Variants in NRROS observed in about 807,000 individuals in gnomAD.
The protein encoded by NRROS is transforming growth factor beta activator LRRC33.
In NRROS, 6 loss-of-function variants were observed where a neutral mutation model predicts 12.0. The ratio of observed to expected loss-of-function variants is 0.50; its 90% confidence interval spans 0.27 to 0.98. The LOEUF is 0.98. Ranked by LOEUF, NRROS falls within the 50% of genes least tolerant of loss-of-function variation. NRROS has a pLI of 0.11. For synonymous variants in NRROS, 462 were observed against 410.2 expected (o/e 1.13, Z -1.53); for missense variants, 857 against 888.2 (o/e 0.96, Z 0.45).
chr3:196,646,564 C>T (rs1027223994), intron 1 of NRROS, among the ~76,000 whole-genome samples: 19 of 152,182 alleles, frequency 1.2e-4, no homozygotes, highest in Admixed American at 2.0e-4. Context: ...TCTACCAGGC[C>T]GACGCTGACC....
Position 196,661,000 on chromosome 3 carries a change from C to G in NRROS, c.1357C>G (p.Pro453Ala). ...AGCTGCCTCGGACCGGGTGGGCCCCCCTAGCTGTGTGGATTTCAGGAATAT... is the reference window on the plus strand; with the variant it reads ...AGCTGCCTCGGACCGGGTGGGCCCCGCTAGCTGTGTGGATTTCAGGAATAT... ...LPAASDRVGP[P>A]SCVDFRNMAS... Residue 453 changes from proline (P) to alanine (A), a missense_variant, in exon 3 of 3, where the codon CCT becomes GCT. Pro to Ala is a conservative substitution (Grantham distance 27). Coordinates refer to ENST00000328557, the MANE Select transcript of NRROS (RefSeq NM_198565.3). This position sits in a 1 kb window ranked among gnomAD's most constrained non-coding sequence, Gnocchi z 7.7. 6.2e-7 allele frequency: 1 copy of G among 1,614,180 alleles called. No individual in the cohort carries two copies. The highest frequency in any genetic ancestry group is 8.5e-7 in the Non-Finnish European group (1 of 1,180,048).
rs756433723 is a variant in NRROS, at chr3:196,661,224, T to C, written c.1581T>C (p.Phe527=). The C allele has an allele frequency of 1.2e-6, 2 of 1,613,882 alleles. No homozygotes were observed. The highest frequency in any genetic ancestry group is 2.7e-5 in the African/African-American group (2 of 74,920). ...SLRNMGLHSS[F]MALDFSGFGN... is the part of the protein sequence containing the mutation. Reference sequence around the variant, plus strand: ...GGAACATGGGCCTCCACTCCAGCTTTATGGCGTTGGACTTCTCTGGGTTTG... The same window carrying C: ...GGAACATGGGCCTCCACTCCAGCTTCATGGCGTTGGACTTCTCTGGGTTTG... Residue 527 remains phenylalanine, a synonymous_variant, in exon 3 of 3, where the codon TTT becomes TTC. Transcript: ENST00000328557.
In NRROS at chr3:196,660,762, G is replaced by A; in HGVS notation, c.1119G>A (p.Glu373=). 6.2e-7 allele frequency: 1 copy of A among 1,613,772 alleles called. No individual in the cohort carries two copies. Among genetic ancestry groups the A allele is most frequent in the Non-Finnish European group, 8.5e-7 (1 of 1,180,018 alleles). Residue 373 remains glutamate (E), a synonymous_variant, in exon 3 of 3, where the codon GAG becomes GAA. Coordinates refer to ENST00000328557, the MANE Select transcript of NRROS (RefSeq NM_198565.3). The surrounding 1 kb of genome is among the most constrained non-coding windows in gnomAD (Gnocchi z 7.7). ...TGACGCTTCACATTCGGGAGCACGA[G>A]CCCCCCGGAGCGCTCACCGAGCTGG... The part of the protein sequence containing the change: ...CLMTLHIREH[E]PPGALTELDL...
Position 196,661,701 on chromosome 3 carries a change from C to G in NRROS, c.2058C>G (p.Cys686Trp). The G allele has an allele frequency of 6.3e-7, 1 of 1,593,624 alleles. No individual in the cohort carries two copies. The highest frequency in any genetic ancestry group is 8.5e-7 in the Non-Finnish European group (1 of 1,174,462). ...TGCTTCAGGTCATCAAGAGCCGCTG[C>G]CACTGGTCCTCCGTTTACTGACCTG... ...KPLLQVIKSR[C>W]HWSSVY Residue 686 changes from cysteine to tryptophan, a missense_variant, in exon 3 of 3, where the codon TGC becomes TGG. By Grantham distance (215) the Cys-to-Trp change is radical. Transcript: ENST00000328557.
At chr3:196,659,075 G>A (rs1239927883) in intron 2 of NRROS, among the ~76,000 whole-genome samples, 1 of 152,176 alleles carries the variant, frequency 6.6e-6, no homozygotes, top group Non-Finnish European at 1.5e-5. Flanking sequence ...GTGAATTAAA[G>A]TATCCTGCAC....
chr3:196,643,984 C>T (rs1737256874), intron 1 of NRROS, among the ~76,000 whole-genome samples: 1 of 152,200 alleles, frequency 6.6e-6, no homozygotes, highest in African/African-American at 2.4e-5. Flanking sequence ...CCTTCAACTT[C>T]AGCAAGTTAG....
intron 2 of NRROS, among the ~76,000 whole-genome samples, chr3:196,658,854 C>T (rs1737595309): frequency 6.6e-6 from 1 of 152,090 alleles, no homozygotes; most frequent in African/African-American, 2.4e-5. Context: ...CCTGTAATCC[C>T]AGCTACTCGG....
intron 2 of NRROS, among the ~76,000 whole-genome samples, chr3:196,658,818 A>G (rs149241579): frequency 6.6e-6 from 1 of 151,924 alleles, no homozygotes; most frequent in African/African-American, 2.4e-5. Context: ...AATACAAAAA[A>G]AGTTAGCTGG....
intron 1 of NRROS, among the ~76,000 whole-genome samples, chr3:196,645,009 A>T (rs755814169): frequency 1.3e-5 from 2 of 152,098 alleles, no homozygotes; most frequent in Non-Finnish European, 2.9e-5. Flanking sequence ...AGATGGATAG[A>T]TGTATGTTGT....
rs143442680 is a variant in NRROS at position 196,660,102 on chromosome 3, C to T, written c.459C>T (p.Leu153=). 70 of 1,613,172 alleles carry T rather than the reference C, an allele frequency of 4.3e-5. No homozygotes were observed. In the African/African-American group the frequency reaches 7.2e-4, roughly 17 times the overall value. The change falls in exon 3 of 3, where the codon CTC becomes CTT. Residue 153 remains leucine, a synonymous_variant. Transcript: ENST00000328557. This position sits in a 1 kb window ranked among gnomAD's most constrained non-coding sequence, Gnocchi z 7.7. ...ALTEDMAALM[L]QNLSSLRSVS... is the part of the protein sequence containing the mutation. ...CGGAGGACATGGCAGCCCTCATGCT[C>T]CAGAACCTCTCCTCGCTGCGGTCCG...
rs773942496 is a variant in NRROS at position 196,660,978 on chromosome 3, T to A, written c.1335T>A (p.Ala445=). 9.3e-6 allele frequency: 15 copies of A among 1,614,100 alleles called. No individual in the cohort carries two copies. ...HNQISLCPLP[A]ASDRVGPPSC... is the part of the protein sequence containing the mutation. ...AGATCTCACTTTGTCCCCTGCCAGC[T>A]GCCTCGGACCGGGTGGGCCCCCCTA... Residue 445 remains alanine, a synonymous_variant, in exon 3 of 3, where the codon GCT becomes GCA. Coordinates refer to ENST00000328557, the MANE Select transcript of NRROS (RefSeq NM_198565.3). This position sits in a 1 kb window ranked among gnomAD's most constrained non-coding sequence, Gnocchi z 7.7.
chr3:196,652,840 C>G (rs941271770), intron 1 of NRROS, among the ~76,000 whole-genome samples: 7 of 152,080 alleles, frequency 4.6e-5, no homozygotes, highest in Admixed American at 3.3e-4. Flanking sequence ...GCAGCAGGTA[C>G]CACCCCACAC....
At chr3:196,658,593 A>G (rs1737585446) in intron 2 of NRROS, among the ~76,000 whole-genome samples, 1 of 152,146 alleles carries the variant, frequency 6.6e-6, no homozygotes, top group African/African-American at 2.4e-5. Context: ...TTGAACCCAC[A>G]ATTGTAGGCA....
chr3:196,641,703 G>A (rs1289443396), intron 1 of NRROS, among the ~76,000 whole-genome samples: 2 of 152,202 alleles, frequency 1.3e-5, no homozygotes, highest in Non-Finnish European at 2.9e-5. Flanking sequence ...TCTGTCTCCA[G>A]TCTTGACTCT....
At chr3:196,647,047 G>A (rs144620090) in intron 1 of NRROS, among the ~76,000 whole-genome samples, 167 of 152,136 alleles carry the variant, frequency 1.1e-3, no homozygotes, top group African/African-American at 3.7e-3. Flanking sequence ...ATCATACCAC[G>A]TCATTCCTAT....
intron 1 of NRROS, among the ~76,000 whole-genome samples, chr3:196,646,814 G>C (rs73083018): frequency 6.6e-6 from 1 of 152,202 alleles, no homozygotes; most frequent in Non-Finnish European, 1.5e-5. Context: ...CCGGAGAACC[G>C]GGTGGGAACC....
Position 196,654,602 on chromosome 3 carries a change from C to G in NRROS, c.63C>G (p.Asn21Lys). 1 of 1,614,058 alleles carries G rather than the reference C, an allele frequency of 6.2e-7. No homozygotes were observed. Among genetic ancestry groups the G allele is most frequent in the Non-Finnish European group, 8.5e-7 (1 of 1,179,944 alleles). ...ACTTCCTGACCGTGGGCTGGAGGAACAGAAGCGGAACAGCCACAGCAGCCT... is the reference window on the plus strand; with the variant it reads ...ACTTCCTGACCGTGGGCTGGAGGAAGAGAAGCGGAACAGCCACAGCAGCCT... ...GFHFLTVGWR[N>K]RSGTATAASQ... The change falls in exon 2 of 3, where the codon AAC becomes AAG. Residue 21 changes from asparagine to lysine, a missense_variant. Asn to Lys is a moderately conservative substitution (Grantham distance 94). Transcript: ENST00000328557. This position sits in a 1 kb window ranked among gnomAD's most constrained non-coding sequence, Gnocchi z 4.4.
At chr3:196,644,782 A>G (rs1215067269) in intron 1 of NRROS, among the ~76,000 whole-genome samples, 4 of 151,364 alleles carry the variant, frequency 2.6e-5, no homozygotes, top group African/African-American at 9.7e-5. Context: ...AAAAAAAAAA[A>G]AAAAAAAAAG....
At chr3:196,657,642 G>A (rs1001497660) in intron 2 of NRROS, among the ~76,000 whole-genome samples, 1 of 151,512 alleles carries the variant, frequency 6.6e-6, no homozygotes, top group Non-Finnish European at 1.5e-5. Flanking sequence ...GGCAGGCAGA[G>A]GTTGCAGCAA....
Sources: allele counts gnomAD v4.1 joint callset (sites outside exome capture counted in the v4.1 genomes callset), GRCh38; gene constraint gnomAD v4.1.1; non-coding constraint Gnocchi (gnomAD v3.1); transcripts MANE v1.5; gene names NCBI Gene and HGNC (gene_info 2026-07-23, HGNC 2026-07-21).